The following DYRK3 variants were observed in gnomAD, a reference collection of about 807,000 sequenced individuals.
DYRK3 encodes the protein dual specificity tyrosine phosphorylation regulated kinase 3, also known as dual specificity tyrosine-phosphorylation-regulated kinase 3.
Under a neutral mutation model 40.8 loss-of-function variants are expected in DYRK3, and 30 were observed. The observed-to-expected ratio is 0.74, with a 90% confidence interval of 0.55 to 1.00. DYRK3 has a LOEUF of 1.00. Ranked by LOEUF, DYRK3 falls within the 50% of genes least tolerant of loss-of-function variation. The pLI is 0.00. For synonymous variants in DYRK3, 272 were observed against 260.7 expected (o/e 1.04, Z -0.42); for missense variants, 699 against 731.5 (o/e 0.96, Z 0.51).
chr1:206,635,831 C>CGCT, intron 1 of DYRK3, 51 bp downstream of exon 1: 22 of 1,241,308 alleles, frequency 1.8e-5, no homozygotes, highest in Non-Finnish European at 2.1e-5. Flanking sequence ...GAGCGGCTGG[C>CGCT]GCTGGCAAGC....
rs1671696531 is a variant in DYRK3, at chr1:206,654,111, A to T, written c.*5146A>T. ...AAATGGTTCTAAGCTTTCCTGACAG[A>T]ATACTCCTACTACTTTGGTGAATCA... On this transcript the variant is annotated 3_prime_UTR_variant, in exon 3 of 3. Coordinates refer to ENST00000367109, the MANE Select transcript of DYRK3 (RefSeq NM_003582.4). Among the ~76,000 whole-genome samples, 1 of 152,238 alleles carries T rather than the reference A, an allele frequency of 6.6e-6. No homozygotes were observed. The highest frequency in any genetic ancestry group is 1.9e-4 in the East Asian group (1 of 5,204).
At position 206,651,892 on chromosome 1, in the gene DYRK3, C is replaced by T. The variant is rs1195385537; in HGVS notation, c.*2927C>T. 6.6e-6 allele frequency among the ~76,000 whole-genome samples: 1 copy of T among 152,240 alleles called. No individual in the cohort carries two copies. The highest frequency in any genetic ancestry group is 1.5e-5 in the Non-Finnish European group (1 of 68,050). On this transcript the variant is annotated 3_prime_UTR_variant, in exon 3 of 3. Coordinates refer to ENST00000367109, the MANE Select transcript of DYRK3 (RefSeq NM_003582.4). ...TATCAACATTAGCAGCCTGTTCCCA[C>T]TCAGGTGCTGTCCAAGGCACATGTT...
rs1484142556 is a variant in DYRK3 at position 206,650,482 on chromosome 1, A to C, written c.*1517A>C. Among the ~76,000 whole-genome samples the C allele has an allele frequency of 1.3e-5, 2 of 152,180 alleles. No homozygotes were observed. The highest frequency in any genetic ancestry group is 4.8e-5 in the African/African-American group (2 of 41,452). On this transcript the variant is annotated 3_prime_UTR_variant, in exon 3 of 3. Coordinates refer to ENST00000367109, the MANE Select transcript of DYRK3 (RefSeq NM_003582.4). Reference sequence around the variant, plus strand: ...CTTGGGAGGCTGAGGTGGGAGGATCACTTGAGCTGAGATCATGCCACTGCA... The same window carrying C: ...CTTGGGAGGCTGAGGTGGGAGGATCCCTTGAGCTGAGATCATGCCACTGCA...
intron 2 of DYRK3, among the ~76,000 whole-genome samples, chr1:206,645,301 C>T (rs1671418398): frequency 6.6e-6 from 1 of 152,056 alleles, no homozygotes; most frequent in Admixed American, 6.6e-5. Flanking sequence ...GCCCAGAGCT[C>T]CTCCGGAATT....
chr1:206,635,803 G>A, intron 1 of DYRK3, 23 bp downstream of exon 1: 1 of 1,245,120 alleles, frequency 8.0e-7, no homozygotes, highest in Non-Finnish European at 1.0e-6. Flanking sequence ...CGGGGTAACG[G>A]GCTGGAGGCG....
Position 206,651,279 on chromosome 1 carries a change from G to C in DYRK3, c.*2314G>C, listed in dbSNP as rs533762543. Among the ~76,000 whole-genome samples the C allele has an allele frequency of 1.3e-5, 2 of 152,216 alleles. No homozygotes were observed. Among genetic ancestry groups the C allele is most frequent in the Non-Finnish European group, 2.9e-5 (2 of 68,038 alleles). On this transcript the variant is annotated 3_prime_UTR_variant, in exon 3 of 3. Transcript: ENST00000367109. ...TAGTCGAGATAGTGACTCTTTGGAA[G>C]TTGGTAGTCCAATGTCTGCTTCCCC...
At chr1:206,644,031 C>T (rs1290417250) in intron 2 of DYRK3, among the ~76,000 whole-genome samples, 54 of 101,042 alleles carry the variant, frequency 5.3e-4, no homozygotes, top group South Asian at 8.0e-4. Flanking sequence ...GGACCTACAG[C>T]TTTTTTTTTT....
Position 206,649,361 on chromosome 1 carries a change from T to C in DYRK3, c.*396T>C, listed in dbSNP as rs782550795. 2.6e-5 allele frequency among the ~76,000 whole-genome samples: 4 copies of C among 152,200 alleles called. No homozygotes were observed. The highest frequency in any genetic ancestry group is 5.9e-5 in the Non-Finnish European group (4 of 68,042). ...GGGGTAATTTGGGATGTGGTGTTAG[T>C]TGTGGCTGAGAGCCAGTGCTAGGTC... On this transcript the variant is annotated 3_prime_UTR_variant, in exon 3 of 3. Coordinates refer to ENST00000367109, the MANE Select transcript of DYRK3 (RefSeq NM_003582.4).
intron 2 of DYRK3, among the ~76,000 whole-genome samples, chr1:206,644,740 A>G (rs1671400107): frequency 6.6e-6 from 1 of 152,110 alleles, no homozygotes; most frequent in African/African-American, 2.4e-5. Context: ...GGGTTTTGCC[A>G]TGTTGGCCAT....
rs1671713258 is a variant in DYRK3 at position 206,654,834 on chromosome 1, A to T, written c.*5869A>T. Reference sequence around the variant, plus strand: ...AATATAGCCCACCCATCGCTAAGTCAAGCCTAGACTCTAATATTTTTCTAT... The same window carrying T: ...AATATAGCCCACCCATCGCTAAGTCTAGCCTAGACTCTAATATTTTTCTAT... On this transcript the variant is annotated 3_prime_UTR_variant, in exon 3 of 3. Coordinates refer to ENST00000367109, the MANE Select transcript of DYRK3 (RefSeq NM_003582.4). 6.6e-6 allele frequency among the ~76,000 whole-genome samples: 1 copy of T among 152,230 alleles called. No homozygotes were observed.
At chr1:206,640,364 T>A (rs1553419151) in intron 2 of DYRK3, among the ~76,000 whole-genome samples, 1 of 152,234 alleles carries the variant, frequency 6.6e-6, no homozygotes, top group Non-Finnish European at 1.5e-5. Context: ...CAAAGTTTTC[T>A]AGCTTCATTT....
At position 206,648,410 on chromosome 1, in the gene DYRK3, A is replaced by G; in HGVS notation, c.1212A>G (p.Thr404=). The G allele has an allele frequency of 6.2e-7, 1 of 1,614,210 alleles. No homozygotes were observed. Among genetic ancestry groups the G allele is most frequent in the African/African-American group, 1.3e-5 (1 of 75,046 alleles). ...GCTGCATCCTTGCAGAACTTTTAAC[A>G]GGACAGCCTCTCTTCCCTGGAGAGG... ...SFGCILAELL[T]GQPLFPGEDE... The change falls in exon 3 of 3, where the codon ACA becomes ACG. Residue 404 remains threonine (T), a synonymous_variant. Transcript: ENST00000367109.
In DYRK3 at chr1:206,650,339, G is replaced by A. The variant is rs547608067; in HGVS notation, c.*1374G>A. On this transcript the variant is annotated 3_prime_UTR_variant, in exon 3 of 3. Coordinates refer to ENST00000367109, the MANE Select transcript of DYRK3 (RefSeq NM_003582.4). ...CCCAGCACTTTGGGAGGCTGAGGTG[G>A]GTGGATTCCTTGAGCCCAGGAGTTC... Among the ~76,000 whole-genome samples the A allele has an allele frequency of 6.6e-6, 1 of 152,176 alleles. No homozygotes were observed. Among genetic ancestry groups the A allele is most frequent in the Non-Finnish European group, 1.5e-5 (1 of 68,030 alleles).
At chr1:206,639,783 A>C (rs560389559) in intron 2 of DYRK3, among the ~76,000 whole-genome samples, 63 of 152,028 alleles carry the variant, frequency 4.1e-4, no homozygotes, top group Middle Eastern at 3.4e-3. Flanking sequence ...TTTGATTCAG[A>C]GTTAGCCGAT....
chr1:206,636,166 C>A, intron 1 of DYRK3: 1 of 882,040 alleles, frequency 1.1e-6, no homozygotes, highest in Non-Finnish European at 1.7e-6. Context: ...GAGCGGATAA[C>A]CAACGGCTGA....
chr1:206,646,537 A>G (rs782533224), intron 2 of DYRK3, among the ~76,000 whole-genome samples: 1 of 152,196 alleles, frequency 6.6e-6, no homozygotes, highest in African/African-American at 2.4e-5. Flanking sequence ...GTTATCAGGT[A>G]CTTGAAGAAT....
chr1:206,650,738 C>T lies in DYRK3; in HGVS notation c.*1773C>T, dbSNP rs1671611375. ...TGCCATGAGTATATTATTTAAGGAACTTTTGTTTTATCCAAAAGTAGTCAT... is the reference window on the plus strand; with the variant it reads ...TGCCATGAGTATATTATTTAAGGAATTTTTGTTTTATCCAAAAGTAGTCAT... On this transcript the variant is annotated 3_prime_UTR_variant, in exon 3 of 3. Transcript: ENST00000367109. Among the ~76,000 whole-genome samples the T allele has an allele frequency of 6.6e-6, 1 of 152,154 alleles. No individual in the cohort carries two copies. The highest frequency in any genetic ancestry group is 1.5e-5 in the Non-Finnish European group (1 of 68,028).
chr1:206,648,247 C>G lies in DYRK3; in HGVS notation c.1049C>G (p.Ser350Ter). The G allele has an allele frequency of 6.2e-7, 1 of 1,614,186 alleles. No homozygotes were observed. Among genetic ancestry groups the G allele is most frequent in the Non-Finnish European group, 8.5e-7 (1 of 1,180,030 alleles). The stretch of plus-strand genomic sequence containing the variant: ...CTCCTGAAACACCACGGGCGCAGTT[C>G]AACCAAGGTCATTGACTTTGGGTCC... ...NILLKHHGRSSTKVIDFGSSC... is the reference protein window; with the variant it reads ...NILLKHHGRS The change falls in exon 3 of 3, where the codon TCA becomes TGA. Residue 350 changes from serine to a stop codon, truncating the protein, a stop_gained. Transcript: ENST00000367109. LOFTEE classifies it high-confidence loss of function.
intron 2 of DYRK3, among the ~76,000 whole-genome samples, chr1:206,643,568 A>G (rs1490813193): frequency 6.6e-6 from 1 of 152,174 alleles, no homozygotes; most frequent in Non-Finnish European, 1.5e-5. Flanking sequence ...CTAGAGAGGC[A>G]TTCCTTTTCA....
Sources: gnomAD v4.1 joint callset for allele counts (sites outside exome capture counted in the v4.1 genomes callset) on GRCh38, gnomAD v4.1.1 for gene constraint, MANE v1.5 for transcripts, NCBI Gene and HGNC (gene_info 2026-07-23, HGNC 2026-07-21) for gene names.